PBK: variants seen among roughly 807,000 people sequenced by gnomAD.
PBK encodes the protein PDZ binding kinase.
A neutral mutation model predicts 33.5 loss-of-function variants in PBK; 22 were observed. That is an observed-to-expected ratio of 0.66 (90% CI 0.47 to 0.94). The LOEUF is 0.94. Ranked by LOEUF, PBK falls within the 40% of genes least tolerant of loss-of-function variation. The pLI is 0.00. For synonymous variants in PBK, 129 were observed against 123.8 expected (o/e 1.04, Z -0.28); for missense variants, 376 against 383.4 (o/e 0.98, Z 0.16).
chr8:27,829,591 A>G (rs28879508), intron 2 of PBK, among the ~76,000 whole-genome samples: 23,949 of 152,208 alleles, frequency 0.16, 2,392 homozygotes, highest in East Asian at 0.37. Context: ...ATAGAGGCCT[A>G]GCGCGGTGGC....
chr8:27,834,632 G>A (rs1006465250), intron 1 of PBK, among the ~76,000 whole-genome samples: 4 of 152,114 alleles, frequency 2.6e-5, no homozygotes, highest in African/African-American at 4.8e-5. Context: ...GGTGGCTCAC[G>A]CCTGTAATCT....
rs2128960627 is a variant in PBK at position 27,810,415 on chromosome 8, C to T, written c.859G>A (p.Asp287Asn). 1 of 1,605,680 alleles carries T rather than the reference C, an allele frequency of 6.2e-7. No individual in the cohort carries two copies. The highest frequency in any genetic ancestry group is 8.5e-7 in the Non-Finnish European group (1 of 1,172,384). The change falls in exon 8 of 8, where the codon GAT becomes AAT. Residue 287 changes from aspartate (D) to asparagine (N), a missense_variant. Physicochemically the swap from Asp to Asn is conservative, Grantham distance 23 (BLOSUM62 1). Coordinates refer to ENST00000301905, the MANE Select transcript of PBK (RefSeq NM_018492.4). ...TCAATTACTTTCTGGTATGATTCATCCAGTTCTTCCATATTAATAGGTGGC... is the reference window on the plus strand; with the variant it reads ...TCAATTACTTTCTGGTATGATTCATTCAGTTCTTCCATATTAATAGGTGGC... ...TRPPINMEEL[D>N]ESYQKVIELF...
chr8:27,824,712 A>G (rs1347555226), intron 3 of PBK, among the ~76,000 whole-genome samples: 1 of 152,168 alleles, frequency 6.6e-6, no homozygotes, highest in African/African-American at 2.4e-5. Context: ...TCCCCAGGGA[A>G]CAGAAAAGGT....
intron 6 of PBK, among the ~76,000 whole-genome samples, chr8:27,816,865 GTATTC>G (rs1401460243): frequency 6.6e-6 from 1 of 151,804 alleles, no homozygotes; most frequent in Non-Finnish European, 1.5e-5. Flanking sequence ...TGGATATATG[GTATTC>G]TATTGTGTGG....
chr8:27,824,790 G>A (rs1327668519), intron 3 of PBK, among the ~76,000 whole-genome samples: 2 of 152,066 alleles, frequency 1.3e-5, no homozygotes, highest in Non-Finnish European at 2.9e-5. Context: ...AAAACCACAA[G>A]CCAACTTCAC....
chr8:27,811,984 A>G (rs1319404222), intron 6 of PBK: 1 of 152,200 alleles, frequency 6.6e-6, no homozygotes, highest in Non-Finnish European at 1.5e-5. Context: ...TAGCTGTTTT[A>G]TAGATTCCTT....
At chr8:27,810,884 TAGAA>T (rs1171665204) in intron 7 of PBK, 70 bp downstream of exon 7, 53 of 1,006,930 alleles carry the variant, frequency 5.3e-5, no homozygotes, top group Non-Finnish European at 7.1e-5. Context: ...ATACATATCT[TAGAA>T]AGATAAAATT....
chr8:27,835,170 T>C (rs1037696375), intron 1 of PBK, among the ~76,000 whole-genome samples: 35 of 152,206 alleles, frequency 2.3e-4, no homozygotes, highest in African/African-American at 7.7e-4. Context: ...CTTTAAAAAC[T>C]GTACTAAGGG....
At chr8:27,834,076 G>A (rs1806183245) in intron 1 of PBK, among the ~76,000 whole-genome samples, 1 of 150,342 alleles carries the variant, frequency 6.7e-6, no homozygotes, top group South Asian at 2.1e-4. Flanking sequence ...CGCCCAGGCT[G>A]GAGTGCAGTG....
At chr8:27,819,577 C>T (rs9650424) in intron 6 of PBK, among the ~76,000 whole-genome samples, 16,168 of 151,972 alleles carry the variant, frequency 0.11, 970 homozygotes, top group East Asian at 0.25. Context: ...ACCTATTAGA[C>T]TATTCATACT....
chr8:27,829,528 C>T (rs949080201), intron 2 of PBK, among the ~76,000 whole-genome samples: 1 of 152,154 alleles, frequency 6.6e-6, no homozygotes, highest in Non-Finnish European at 1.5e-5. Context: ...TCAAAAAGTA[C>T]CAGGCATGAA....
At chr8:27,821,580 T>C (rs1396580904) in intron 5 of PBK, among the ~76,000 whole-genome samples, 6 of 152,222 alleles carry the variant, frequency 3.9e-5, no homozygotes. Context: ...TTTTTATATA[T>C]AAGTATGTAT....
chr8:27,816,359 T>TATATATATATATATATATATATATA (rs1563489324), intron 6 of PBK, among the ~76,000 whole-genome samples: 68 of 126,336 alleles, frequency 5.4e-4, no homozygotes, highest in East Asian at 1.0e-3. Context: ...ATATATATAT[T>TATATATATATATATATATATATATA]TATTTATTTA....
At chr8:27,826,461 A>C (rs1806025142) in intron 3 of PBK, among the ~76,000 whole-genome samples, 1 of 151,710 alleles carries the variant, frequency 6.6e-6, no homozygotes, top group Non-Finnish European at 1.5e-5. Flanking sequence ...GTTATGGATA[A>C]AAGAAATCCC....
At chr8:27,815,168 T>C (rs1805786177) in intron 6 of PBK, among the ~76,000 whole-genome samples, 1 of 151,836 alleles carries the variant, frequency 6.6e-6, no homozygotes, top group Non-Finnish European at 1.5e-5. Flanking sequence ...GAAAAGAGGA[T>C]GAAACTAACA....
At chr8:27,825,695 A>G (rs1563493434) in intron 3 of PBK, among the ~76,000 whole-genome samples, 1 of 152,224 alleles carries the variant, frequency 6.6e-6, no homozygotes, top group African/African-American at 2.4e-5. Flanking sequence ...ATCAACACCT[A>G]GATACCGAAC....
chr8:27,818,675 C>T (rs1451940032), intron 6 of PBK, among the ~76,000 whole-genome samples: 1 of 151,426 alleles, frequency 6.6e-6, no homozygotes. Flanking sequence ...ATATCTTATA[C>T]ATTTATCTCA....
chr8:27,811,008 A>T lies in PBK; in HGVS notation c.722T>A (p.Met241Lys), dbSNP rs1805669134. 1 of 1,612,694 alleles carries T rather than the reference A, an allele frequency of 6.2e-7. No homozygotes were observed. The highest frequency in any genetic ancestry group is 8.5e-7 in the Non-Finnish European group (1 of 1,178,722). Residue 241 changes from methionine to lysine, a missense_variant, in exon 7 of 8, where the codon ATG (methionine) becomes AAG (lysine). Transcript: ENST00000301905. The part of the protein sequence containing the change: ...FAFGLTLWEM[M>K]TLSIPHINLS... ...ATTAATGTGTGGAATCGATAAAGTC[A>T]TCATTTCCCACAAAGTAAGGCCAAA...
intron 6 of PBK, among the ~76,000 whole-genome samples, chr8:27,811,653 T>G (rs1028823393): frequency 1.7e-4 from 26 of 152,186 alleles, no homozygotes; most frequent in African/African-American, 5.8e-4. Context: ...CCATTTAAAC[T>G]TGAGTCAACT....
Sources: allele counts gnomAD v4.1 joint callset (sites outside exome capture counted in the v4.1 genomes callset), GRCh38; gene constraint gnomAD v4.1.1; transcripts MANE v1.5; gene names NCBI Gene and HGNC (gene_info 2026-07-23, HGNC 2026-07-21).